MFSD8: variants seen among roughly 807,000 people sequenced by gnomAD.
The protein encoded by MFSD8 is major facilitator superfamily domain-containing protein 8.
In MFSD8, 55 loss-of-function variants were observed where a neutral mutation model predicts 66.4. The observed-to-expected ratio is 0.83, with a 90% CI of 0.67 to 1.04. MFSD8 has a LOEUF of 1.04. Ranked by LOEUF, MFSD8 falls within the 50% of genes least tolerant of loss-of-function variation. The pLI is 0.00. For synonymous variants in MFSD8, 202 were observed against 212.8 expected, an observed-to-expected ratio of 0.95 and a Z score of 0.44; for missense variants, 550 against 627.6, an observed-to-expected ratio of 0.88 and a Z score of 1.32.
intron 7 of MFSD8, among the ~76,000 whole-genome samples, chr4:127,936,312 C>T (rs1277811418): frequency 6.6e-6 from 1 of 152,084 alleles, no homozygotes; most frequent in Non-Finnish European, 1.5e-5. Context: ...CAGGGTTTCA[C>T]CATGTTGGCC....
At position 127,919,712 on chromosome 4, in the gene MFSD8, C is replaced by T. The variant is rs561229523; in HGVS notation, c.*918G>A. ...GATTGAAAACTGTTGTGTTCCTCCC[C>T]GCCACTACTGAGAGATGGGAAAAAT... is the stretch of plus-strand genomic sequence containing the variant. On this transcript the variant is annotated 3_prime_UTR_variant, in exon 12 of 12. Transcript: ENST00000641686. The T allele has an allele frequency of 1.6e-4, 24 of 152,214 alleles. No homozygotes were observed. Among genetic ancestry groups the T allele is most frequent in the African/African-American group, 5.5e-4 (23 of 41,544 alleles). The allele number at this position is 152,214 out of a possible 1,614,324, so 9.4% of individuals were successfully genotyped here. A position where few individuals can be genotyped will look rare whatever the true frequency, so the allele number is the denominator to read the frequency against.
chr4:127,964,139 C>T (rs1744450731), intron 1 of MFSD8, among the ~76,000 whole-genome samples: 1 of 152,278 alleles, frequency 6.6e-6, no homozygotes, highest in African/African-American at 2.4e-5. Flanking sequence ...ACGTTCTCCA[C>T]GTCTCCACCA....
intron 7 of MFSD8, among the ~76,000 whole-genome samples, chr4:127,934,359 G>A (rs1738673159): frequency 6.6e-6 from 1 of 152,056 alleles, no homozygotes; most frequent in African/African-American, 2.4e-5. Flanking sequence ...TTTGACGGTG[G>A]TTTTATAAAT....
intron 9 of MFSD8, among the ~76,000 whole-genome samples, chr4:127,929,050 G>A (rs1023218564): frequency 6.6e-6 from 1 of 151,946 alleles, no homozygotes; most frequent in Admixed American, 6.6e-5. Context: ...GGTCGGCAGC[G>A]GTGGTTCACG....
chr4:127,957,978 A>C (rs1743164202), intron 1 of MFSD8, among the ~76,000 whole-genome samples: 2 of 152,230 alleles, frequency 1.3e-5, no homozygotes, highest in South Asian at 4.1e-4. Flanking sequence ...TAAGTACTAA[A>C]AAATAATAAC....
At chr4:127,926,492 A>C (rs1737234047) in intron 9 of MFSD8, among the ~76,000 whole-genome samples, 1 of 151,560 alleles carries the variant, frequency 6.6e-6, no homozygotes, top group Non-Finnish European at 1.5e-5. Context: ...ACTTACCACT[A>C]TCTGACTTCA....
chr4:127,949,733 G>T, intron 3 of MFSD8, 71 bp downstream of exon 3: 2 of 1,286,340 alleles, frequency 1.6e-6, no homozygotes, highest in Non-Finnish European at 2.2e-6. Flanking sequence ...AGACTCTTTA[G>T]AAAATGCTTA....
intron 4 of MFSD8, among the ~76,000 whole-genome samples, chr4:127,942,794 A>G (rs929646461): frequency 1.2e-4 from 18 of 152,252 alleles, no homozygotes; most frequent in African/African-American, 4.3e-4. Flanking sequence ...GTATGCATAG[A>G]CATGTAATAT....
At chr4:127,940,999 G>A (rs1363710448) in intron 5 of MFSD8, among the ~76,000 whole-genome samples, 1 of 152,020 alleles carries the variant, frequency 6.6e-6, no homozygotes, top group Non-Finnish European at 1.5e-5. Context: ...ATTTTTAAAT[G>A]ACATAATCTT....
chr4:127,928,747 C>T (rs1737625229), intron 9 of MFSD8, among the ~76,000 whole-genome samples: 1 of 152,106 alleles, frequency 6.6e-6, no homozygotes, highest in African/African-American at 2.4e-5. Flanking sequence ...AGGTATATAT[C>T]TAAAAGAAAT....
intron 7 of MFSD8, among the ~76,000 whole-genome samples, chr4:127,937,296 C>A (rs1308378001): frequency 8.5e-5 from 13 of 152,066 alleles, no homozygotes; most frequent in Admixed American, 8.5e-4. Context: ...AAATTGAAAT[C>A]ATCTTCTCTT....
chr4:127,932,483 G>A (rs1738311951), intron 8 of MFSD8: 1 of 152,484 alleles, frequency 6.6e-6, no homozygotes, highest in South Asian at 2.1e-4. Context: ...GGATTTGAAT[G>A]TACTATTTTT....
At chr4:127,956,546 C>A (rs375772272) in intron 2 of MFSD8, among the ~76,000 whole-genome samples, 1 of 148,744 alleles carries the variant, frequency 6.7e-6, no homozygotes, top group African/African-American at 2.5e-5. Flanking sequence ...TAACTGGGGG[C>A]GGTGACTCAC....
At chr4:127,944,567 T>A (rs931889426) in intron 3 of MFSD8, among the ~76,000 whole-genome samples, 1 of 152,216 alleles carries the variant, frequency 6.6e-6, no homozygotes, top group African/African-American at 2.4e-5. Flanking sequence ...CATGATGAAC[T>A]TAAGGGGAGA....
intron 3 of MFSD8, among the ~76,000 whole-genome samples, chr4:127,946,044 C>A (rs1740976380): frequency 6.6e-6 from 1 of 151,856 alleles, no homozygotes; most frequent in South Asian, 2.1e-4. Flanking sequence ...ACTCAGGCTC[C>A]CAAGCAGCTG....
At chr4:127,927,460 G>C (rs1375972176) in intron 9 of MFSD8, among the ~76,000 whole-genome samples, 4 of 152,172 alleles carry the variant, frequency 2.6e-5, no homozygotes, top group Non-Finnish European at 4.4e-5. Flanking sequence ...GCAGGCGTGA[G>C]CCACTGCACC....
rs34570244 is a variant in MFSD8, at chr4:127,955,539, C to CAA, written c.154+1960_154+1961dup. ...TGGACGACAGAGCGAGACTTTGTCTCAAAAAAAAAAAAAAAAAAAATGTGG... is the reference window on the plus strand; with the variant it reads ...TGGACGACAGAGCGAGACTTTGTCTCAAAAAAAAAAAAAAAAAAAAAATGTGG... On this transcript the variant is annotated intron_variant, in intron 2 of 11. Transcript: ENST00000641686. Among the ~76,000 whole-genome samples, 710 of 102,584 alleles carry CAA rather than the reference C, an allele frequency of 6.9e-3. 11 individuals are homozygous for CAA. Among genetic ancestry groups the CAA allele is most frequent in the African/African-American group, 0.024 (673 of 28,240 alleles). The allele number at this position is 102,584 out of a possible 152,430, so 67.3% of individuals were successfully genotyped here. A position where few individuals can be genotyped will look rare whatever the true frequency, so the allele number is the denominator to read the frequency against.
Position 127,940,099 on chromosome 4 carries a change from A to G in MFSD8, c.554-102T>C, listed in dbSNP as rs76025550. On this transcript the variant is annotated intron_variant, in intron 5 of 11. Transcript: ENST00000641686. ...ACAGAATTGGGAACAATGTTATGGAATCATCCTTCTATATCATGCATTCTC... is the reference window on the plus strand; with the variant it reads ...ACAGAATTGGGAACAATGTTATGGAGTCATCCTTCTATATCATGCATTCTC... The G allele has an allele frequency of 1.3e-3, 1,432 of 1,126,974 alleles. 21 individuals carry two copies. The African/African-American group carries it at 0.021, about 17-fold the overall frequency. 69.8% of individuals were successfully genotyped at this position (1,126,974 alleles called of 1,614,324 possible).
chr4:127,921,029 G>A, intron 11 of MFSD8, 193 bp from the exon 12 acceptor site: 2 of 614,906 alleles, frequency 3.3e-6, no homozygotes, highest in Admixed American at 3.0e-5. Context: ...AATAAAAGGA[G>A]TGTAAAGGGA....
Sources: allele counts gnomAD v4.1 joint callset (sites outside exome capture counted in the v4.1 genomes callset), GRCh38; gene constraint gnomAD v4.1.1; transcripts MANE v1.5; gene names NCBI Gene and HGNC (gene_info 2026-07-23, HGNC 2026-07-21).